The following OAS3 variants were observed in gnomAD, a reference collection of about 807,000 sequenced individuals.
OAS3 encodes 2'-5'-oligoadenylate synthetase 3.
A neutral mutation model predicts 113.0 loss-of-function variants in OAS3; 107 were observed. The observed-to-expected ratio is 0.95, with a 90% confidence interval of 0.81 to 1.11. The LOEUF (loss-of-function observed/expected upper bound fraction) is 1.11, where lower values mean the gene tolerates loss of function less well. OAS3 is among the 50% of genes most tolerant of loss of function. OAS3 has a pLI of 0.00. For synonymous variants in OAS3, 552 were observed against 573.6 expected, an observed-to-expected ratio of 0.96 and a Z score of 0.54; for missense variants, 1,258 against 1,389.1, an observed-to-expected ratio of 0.91 and a Z score of 1.50.
chr12:112,958,318 A>G (rs964895330), intron 7 of OAS3, among the ~76,000 whole-genome samples: 3 of 152,192 alleles, frequency 2.0e-5, no homozygotes, highest in African/African-American at 4.8e-5. Context: ...GTTATTACCA[A>G]TTGTCTGAAG....
Position 112,968,183 on chromosome 12 carries a change from C to T in OAS3, c.3104+9C>T. ...CAGCTTCAGAAGCCCAGGTTCAGGT[C>T]TACCCCCAATGTTCCAGAATTTCAA... On this transcript the variant is annotated intron_variant, in intron 14 of 15. Coordinates refer to ENST00000228928, the MANE Select transcript of OAS3 (RefSeq NM_006187.4). 1 of 1,607,426 alleles carries T rather than the reference C, an allele frequency of 6.2e-7. No individual in the cohort carries two copies. The highest frequency in any genetic ancestry group is 8.5e-7 in the Non-Finnish European group (1 of 1,175,576).
chr12:112,946,946 T>G lies in OAS3; in HGVS notation c.840T>G (p.Val280=). The G allele has an allele frequency of 6.2e-7, 1 of 1,614,062 alleles. No individual in the cohort carries two copies. Among genetic ancestry groups the G allele is most frequent in the Non-Finnish European group, 8.5e-7 (1 of 1,179,904 alleles). ...TVNYGFEDPA[V]GQFLQRQLKR... is the part of the protein sequence containing the mutation. ...ACTATGGCTTCGAGGACCCTGCAGT[T>G]GGGCAGTTCTTGCAGCGGCAGCTTA... is the stretch of plus-strand genomic sequence containing the variant. Residue 280 remains valine, a synonymous_variant, in exon 4 of 16, where the codon GTT becomes GTG. Transcript: ENST00000228928.
At chr12:112,940,577 G>T (rs1292435287) in intron 1 of OAS3, among the ~76,000 whole-genome samples, 1 of 152,196 alleles carries the variant, frequency 6.6e-6, no homozygotes, top group African/African-American at 2.4e-5. Context: ...AATCACACAG[G>T]TCTCAGAAAT....
At chr12:112,959,821 T>A (rs1353412934) in intron 7 of OAS3, among the ~76,000 whole-genome samples, 1 of 152,116 alleles carries the variant, frequency 6.6e-6, no homozygotes, top group Non-Finnish European at 1.5e-5. Flanking sequence ...TTCAGTGACT[T>A]TTTCACCTCT....
Position 112,970,077 on chromosome 12 carries a change from T to G in OAS3, c.*104T>G. On this transcript the variant is annotated 3_prime_UTR_variant, in exon 16 of 16. Transcript: ENST00000228928. The stretch of plus-strand genomic sequence containing the variant: ...TACCAGATGAGAGAGATTGTGTACA[T>G]GTGTGTGTGAGCACATGTGTGCATG... The G allele has an allele frequency of 7.6e-7, 1 of 1,324,188 alleles. No homozygotes were observed. The highest frequency in any genetic ancestry group is 1.1e-6 in the Non-Finnish European group (1 of 936,560). 82.0% of individuals were successfully genotyped at this position (1,324,188 alleles called of 1,614,324 possible).
rs2043903609 is a variant in OAS3, at chr12:112,963,140, T to A, written c.2085-173T>A. On this transcript the variant is annotated intron_variant, in intron 9 of 15. Transcript: ENST00000228928. The surrounding 1 kb of genome is among the most constrained non-coding windows in gnomAD (Gnocchi z 4.6). ...TTTCTCAGTTGAAGGGGCCACCCAATAGCTTTCCAACCAAGGCAGCCAATT... is the reference window on the plus strand; with the variant it reads ...TTTCTCAGTTGAAGGGGCCACCCAAAAGCTTTCCAACCAAGGCAGCCAATT... 6.6e-6 allele frequency among the ~76,000 whole-genome samples: 1 copy of A among 152,188 alleles called. No homozygotes were observed. The highest frequency in any genetic ancestry group is 2.4e-5 in the African/African-American group (1 of 41,458).
chr12:112,965,415 C>A (rs546782276), intron 11 of OAS3, among the ~76,000 whole-genome samples: 3 of 152,140 alleles, frequency 2.0e-5, no homozygotes, highest in African/African-American at 7.2e-5. Context: ...AGCCATTAGT[C>A]GTTGGTAAAA....
In OAS3 at chr12:112,972,029, G is replaced by A. The variant is rs1259732556; in HGVS notation, c.*2056G>A. On this transcript the variant is annotated 3_prime_UTR_variant, in exon 16 of 16. Transcript: ENST00000228928. ...CCAAGAGCTCAGGGCCAGTTCTGGT[G>A]GGCAGCAGAGACCTGCTCTGCCAAG... The A allele has an allele frequency of 6.6e-6, 1 of 152,242 alleles. No homozygotes were observed. Among genetic ancestry groups the A allele is most frequent in the African/African-American group, 2.4e-5 (1 of 41,454 alleles). The allele number at this position is 152,242 out of a possible 1,614,324, so 9.4% of individuals were successfully genotyped here. A position where few individuals can be genotyped will look rare whatever the true frequency, so the allele number is the denominator to read the frequency against.
chr12:112,950,152 T>C (rs1254978781), intron 6 of OAS3, among the ~76,000 whole-genome samples: 1 of 152,208 alleles, frequency 6.6e-6, no homozygotes, highest in Non-Finnish European at 1.5e-5. Flanking sequence ...CCAGCCAGCA[T>C]GTAAGTTCCA....
intron 7 of OAS3, among the ~76,000 whole-genome samples, chr12:112,953,390 A>G (rs985779796): frequency 2.0e-5 from 3 of 152,186 alleles, no homozygotes; most frequent in African/African-American, 7.2e-5. Flanking sequence ...TCTGTCATTG[A>G]TGGACATTTG....
intron 3 of OAS3, 44 bp from the exon 4 acceptor site, chr12:112,946,699 C>T: frequency 1.3e-6 from 2 of 1,525,566 alleles, no homozygotes; most frequent in South Asian, 2.4e-5. Flanking sequence ...GCTCTCTTTC[C>T]TCCCCTTCTT....
At chr12:112,938,738 C>A in intron 1 of OAS3, 31 bp downstream of exon 1, 3 of 1,457,428 alleles carry the variant, frequency 2.1e-6, no homozygotes, top group Non-Finnish European at 2.7e-6. Flanking sequence ...CTTTATGTGT[C>A]CAAAGGGGAG....
At chr12:112,961,591 A>G (rs769386562) in intron 8 of OAS3, among the ~76,000 whole-genome samples, 6 of 152,062 alleles carry the variant, frequency 3.9e-5, no homozygotes, top group Non-Finnish European at 8.8e-5. Flanking sequence ...ATTTTTAGAA[A>G]AGAAAACTCC....
intron 7 of OAS3, among the ~76,000 whole-genome samples, 165 bp downstream of exon 7, chr12:112,951,140 A>G (rs2043787839): frequency 6.6e-6 from 1 of 152,198 alleles, no homozygotes; most frequent in African/African-American, 2.4e-5. Flanking sequence ...TCTTACAACT[A>G]TTTAGTGCTT....
intron 7 of OAS3, among the ~76,000 whole-genome samples, chr12:112,958,149 G>T (rs1003151628): frequency 6.6e-6 from 1 of 152,196 alleles, no homozygotes; most frequent in African/African-American, 2.4e-5. Flanking sequence ...GCTTGTGCAT[G>T]CATCACGTAG....
intron 1 of OAS3, among the ~76,000 whole-genome samples, chr12:112,941,356 T>C (rs2043677844): frequency 6.6e-6 from 1 of 152,078 alleles, no homozygotes; most frequent in Non-Finnish European, 1.5e-5. Flanking sequence ...CCTGTTTCTA[T>C]GGAAAAAAAA....
chr12:112,964,652 G>A (rs912195898), intron 11 of OAS3, among the ~76,000 whole-genome samples: 5 of 151,856 alleles, frequency 3.3e-5, no homozygotes, highest in African/African-American at 7.2e-5. Flanking sequence ...ATTGACTGAT[G>A]TAACTGGAAA....
At position 112,954,353 on chromosome 12, in the gene OAS3, C is replaced by T. The variant is rs1054652247; in HGVS notation, c.1657+3378C>T. 1.3e-4 allele frequency among the ~76,000 whole-genome samples: 20 copies of T among 152,056 alleles called. No homozygotes were observed. Among genetic ancestry groups the T allele is most frequent in the African/African-American group, 4.6e-4 (19 of 41,400 alleles). Reference sequence around the variant, plus strand: ...TTGCCTAGGCTGGAGTGCAGTGACGCGATCTCGGCTCACTGCAAGCTCCAC... The same window carrying T: ...TTGCCTAGGCTGGAGTGCAGTGACGTGATCTCGGCTCACTGCAAGCTCCAC... On this transcript the variant is annotated intron_variant, in intron 7 of 15. Transcript: ENST00000228928. This position sits in a 1 kb window ranked among gnomAD's most constrained non-coding sequence, Gnocchi z 4.0.
Position 112,953,354 on chromosome 12 carries a change from A to C in OAS3, c.1657+2379A>C, listed in dbSNP as rs1283693263. 2.6e-5 allele frequency among the ~76,000 whole-genome samples: 4 copies of C among 152,318 alleles called. No individual in the cohort carries two copies. The South Asian group carries it at 6.2e-4, about 24-fold the overall frequency. On this transcript the variant is annotated intron_variant, in intron 7 of 15. Coordinates refer to ENST00000228928, the MANE Select transcript of OAS3 (RefSeq NM_006187.4). Reference sequence around the variant, plus strand: ...ATGGCTGCATAGTATTCCATAGTGTATATGTGCCACATTTTCTTAATCCAG... The same window carrying C: ...ATGGCTGCATAGTATTCCATAGTGTCTATGTGCCACATTTTCTTAATCCAG...
Sources: gnomAD v4.1 joint callset for allele counts (sites outside exome capture counted in the v4.1 genomes callset) on GRCh38, gnomAD v4.1.1 for gene constraint, Gnocchi (gnomAD v3.1) non-coding constraint, MANE v1.5 for transcripts, NCBI Gene and HGNC (gene_info 2026-07-23, HGNC 2026-07-21) for gene names.